The following ARHGAP21 variants were observed in gnomAD, a reference collection of about 807,000 sequenced individuals.
ARHGAP21 encodes the protein rho GTPase-activating protein 21.
In ARHGAP21, 38 loss-of-function variants were observed where a neutral mutation model predicts 164.6. The ratio of observed to expected loss-of-function variants is 0.23; its 90% confidence interval spans 0.18 to 0.30. ARHGAP21 has a LOEUF of 0.30. Among genes scored for constraint, ARHGAP21 ranks in the 10% least tolerant of loss-of-function variants. The probability of loss-of-function intolerance (pLI) is 1.00; values close to 1 mark genes in which losing one functional copy is unlikely to be tolerated. For synonymous variants in ARHGAP21, 766 were observed against 857.9 expected, an observed-to-expected ratio of 0.89 and a Z score of 1.87; for missense variants, 1,822 against 2,370.7, an observed-to-expected ratio of 0.77 and a Z score of 4.81.
At chr10:24,693,250 T>C (rs1842891350) in intron 2 of ARHGAP21, among the ~76,000 whole-genome samples, 1 of 152,206 alleles carries the variant, frequency 6.6e-6, no homozygotes, top group Non-Finnish European at 1.5e-5. Flanking sequence ...TTTAAAACAT[T>C]TACAAAAACA....
At chr10:24,633,575 A>G in intron 5 of ARHGAP21, 95 bp from the exon 6 acceptor site, 1 of 678,666 alleles carries the variant, frequency 1.5e-6, no homozygotes, top group South Asian at 2.2e-5. Context: ...CTTATTTTTA[A>G]TGTCGTATAT....
rs3893301 is a variant in ARHGAP21, at chr10:24,585,711, C to G, written c.4578G>C (p.Glu1526Asp). 1 of 1,614,108 alleles carries G rather than the reference C, an allele frequency of 6.2e-7. No homozygotes were observed. Among genetic ancestry groups the G allele is most frequent in the Admixed American group, 1.7e-5 (1 of 60,018 alleles). The change falls in exon 26 of 26, where the codon GAG becomes GAC. Residue 1526 changes from glutamate (E) to aspartate (D), a missense_variant. Physicochemically the swap from Glu to Asp is conservative, Grantham distance 45. Around this residue, in one of 5 missense-constraint regions of ARHGAP21, gnomAD observed 333 missense variants for 383.9 expected, o/e 0.87. Transcript: ENST00000396432. ...TCTGTGCCAGAAGTGACCTGGGGCT[C>G]TCTTTCAGGATGGCAAAGCGACAGC... ...TLSCRFAILK[E>D]SPRSLLAQKS...
intron 2 of ARHGAP21, among the ~76,000 whole-genome samples, chr10:24,709,337 G>A (rs1844548028): frequency 6.6e-6 from 1 of 152,030 alleles, no homozygotes; most frequent in South Asian, 2.1e-4. Context: ...AACATACAAA[G>A]AACTAAAAAG....
chr10:24,659,657 A>G lies in ARHGAP21; in HGVS notation c.268+7328T>C, dbSNP rs1350929030. Among the ~76,000 whole-genome samples the G allele has an allele frequency of 7.9e-5, 12 of 152,184 alleles. 1 individual carries two copies. Among genetic ancestry groups the G allele is most frequent in the Admixed American group, 7.9e-4 (12 of 15,278 alleles). On this transcript the variant is annotated intron_variant, in intron 4 of 25. Coordinates refer to ENST00000396432, the MANE Select transcript of ARHGAP21 (RefSeq NM_020824.4). ...CGTATTTTCAAGAATGAATTATGTG[A>G]GAGTAAAGAACTTTCTTTTTTTTGT... is the stretch of plus-strand genomic sequence containing the variant.
At chr10:24,633,580 G>A (rs531282993) in intron 5 of ARHGAP21, 100 bp from the exon 6 acceptor site, 62 of 641,168 alleles carry the variant, frequency 9.7e-5, no homozygotes, top group South Asian at 2.5e-4. Flanking sequence ...TTTTAATGTC[G>A]TATATATTAA....
chr10:24,695,723 C>T (rs1390154919), intron 2 of ARHGAP21, among the ~76,000 whole-genome samples: 1 of 152,162 alleles, frequency 6.6e-6, no homozygotes, highest in East Asian at 1.9e-4. Flanking sequence ...TAGCTGCCCT[C>T]TGGAGAGACC....
chr10:24,672,337 C>A (rs1840790635), intron 2 of ARHGAP21, among the ~76,000 whole-genome samples: 1 of 152,146 alleles, frequency 6.6e-6, no homozygotes, highest in South Asian at 2.1e-4. Context: ...TGACTTCTCA[C>A]ACTGATTTTT....
At chr10:24,599,770 C>A (rs899091800) in intron 14 of ARHGAP21, among the ~76,000 whole-genome samples, 3 of 152,094 alleles carry the variant, frequency 2.0e-5, no homozygotes, top group African/African-American at 7.2e-5. Flanking sequence ...TATTGAAATT[C>A]CTACTGTGAA....
rs745676132 is a variant in ARHGAP21, at chr10:24,596,866, T to C, written c.3351A>G (p.Pro1117=). 1 of 1,609,102 alleles carries C rather than the reference T, an allele frequency of 6.2e-7. No homozygotes were observed. The highest frequency in any genetic ancestry group is 8.5e-7 in the Non-Finnish European group (1 of 1,178,630). ...CTTTTCTCCATGTGCCTTTGTCTTT[T>C]GGGGGACTGGTATCATCTTTTGATT... is the stretch of plus-strand genomic sequence containing the variant. The part of the protein sequence containing the change: ...KLLSKDDTSP[P]KDKGTWRKGI... Residue 1117 remains proline, a synonymous_variant, in exon 17 of 26, where the codon CCA becomes CCG. Coordinates refer to ENST00000396432, the MANE Select transcript of ARHGAP21 (RefSeq NM_020824.4).
chr10:24,614,780 C>CT (rs1325616530), intron 9 of ARHGAP21, among the ~76,000 whole-genome samples: 1 of 79,964 alleles, frequency 1.3e-5, no homozygotes, highest in Non-Finnish European at 2.5e-5. Flanking sequence ...GAGACTCCAT[C>CT]TCAAAAAAAA....
intron 6 of ARHGAP21, 46 bp from the exon 7 acceptor site, chr10:24,630,096 A>C: frequency 5.5e-6 from 6 of 1,085,550 alleles, no homozygotes; most frequent in Non-Finnish European, 7.8e-6. Context: ...GAAGTGTATA[A>C]AAAAAGACTT....
In ARHGAP21 at chr10:24,619,673, G is replaced by A; in HGVS notation, c.2222C>T (p.Pro741Leu). The stretch of plus-strand genomic sequence containing the variant: ...CTGCGGTGTCTGGCGTCCAGATGGA[G>A]GTTTTTCCCTTAGGATGACAGCTTC... ...NKEAVILREK[P>L]PSGRQTPQPL... Residue 741 changes from proline to leucine, a missense_variant, in exon 9 of 26, where the codon CCT becomes CTT. This residue lies in a region of ARHGAP21 where 1,090 missense variants were observed against 1,378.9 expected (regional missense o/e 0.79). Transcript: ENST00000396432. 1 of 1,614,150 alleles carries A rather than the reference G, an allele frequency of 6.2e-7. No individual in the cohort carries two copies. The highest frequency in any genetic ancestry group is 8.5e-7 in the Non-Finnish European group (1 of 1,180,038).
chr10:24,671,049 C>T (rs1238015656), intron 2 of ARHGAP21, among the ~76,000 whole-genome samples: 1 of 152,014 alleles, frequency 6.6e-6, no homozygotes, highest in Non-Finnish European at 1.5e-5. Flanking sequence ...TCCCTCTCAT[C>T]CCCCAACCCT....
In ARHGAP21 at chr10:24,698,483, A is replaced by G. The variant is rs149654220; in HGVS notation, c.63+23354T>C. Among the ~76,000 whole-genome samples, 873 of 152,300 alleles carry G rather than the reference A, an allele frequency of 5.7e-3. 9 individuals are homozygous for G. The highest frequency in any genetic ancestry group is 0.02 in the African/African-American group (822 of 41,564). The stretch of plus-strand genomic sequence containing the variant: ...TTAAGTGCTTTTCTCTTTGCAATCA[A>G]GTCCAACTCTCATCAAGAAGCCAAG... On this transcript the variant is annotated intron_variant, in intron 2 of 25. Transcript: ENST00000396432.
chr10:24,591,242 G>GA lies in ARHGAP21; in HGVS notation c.4132dup (p.Ser1378PhefsTer11). ...AGAGTTACCTGATACATCTCCTGGG[G>GA]AGACTCCTGTCCTTCCAATGTTGGT... On this transcript the variant is annotated frameshift_variant, in exon 24 of 26. Transcript: ENST00000396432. LOFTEE classifies it low-confidence loss of function (END_TRUNC). 1 of 1,612,012 alleles carries GA rather than the reference G, an allele frequency of 6.2e-7. No individual in the cohort carries two copies. The highest frequency in any genetic ancestry group is 8.5e-7 in the Non-Finnish European group (1 of 1,179,740).
intron 2 of ARHGAP21, among the ~76,000 whole-genome samples, chr10:24,716,689 T>C (rs538268688): frequency 6.6e-6 from 1 of 152,256 alleles, no homozygotes; most frequent in Non-Finnish European, 1.5e-5. Context: ...ACTTGATTTA[T>C]AAATTGTCTG....
rs367808073 is a variant in ARHGAP21, at chr10:24,585,417, G to A, written c.4872C>T (p.Ser1624=). The stretch of plus-strand genomic sequence containing the variant: ...CAGGCCGCCCTTCACTGATGAGTTC[G>A]CTTCTCTCGTCATCTGCCTCGTCCC... The part of the protein sequence containing the change: ...SKGDEADDER[S]ELISEGRPVE... Residue 1624 remains serine (S), a synonymous_variant, in exon 26 of 26, where the codon AGC becomes AGT. Transcript: ENST00000396432. 15 of 1,613,914 alleles carry A rather than the reference G, an allele frequency of 9.3e-6. No homozygotes were observed. The highest frequency in any genetic ancestry group is 1.6e-4 in the Middle Eastern group (1 of 6,084).
At chr10:24,586,256 C>G in intron 25 of ARHGAP21, 150 bp from the exon 26 acceptor site, 1 of 1,068,188 alleles carries the variant, frequency 9.4e-7, no homozygotes, top group Non-Finnish European at 1.3e-6. Flanking sequence ...TTTTTAATAC[C>G]TCTTTTTACC....
chr10:24,723,374 T>C (rs1433068779), intron 1 of ARHGAP21, 188 bp downstream of exon 1: 4 of 144,324 alleles, frequency 2.8e-5, no homozygotes, highest in Admixed American at 6.8e-5. Flanking sequence ...CCGCCCTTGC[T>C]CCGCACACGC....
Sources: allele counts gnomAD v4.1 joint callset (sites outside exome capture counted in the v4.1 genomes callset), GRCh38; gene constraint gnomAD v4.1.1; regional missense constraint gnomAD v4.1.1; transcripts MANE v1.5; gene names NCBI Gene and HGNC (gene_info 2026-07-23, HGNC 2026-07-21).